Variants in ASIC2 observed in about 807,000 individuals in gnomAD.
ASIC2 encodes the protein acid sensing ion channel subunit 2.
In ASIC2, 25 loss-of-function variants were observed where a neutral mutation model predicts 57.3. That is an observed-to-expected ratio of 0.44 (90% CI 0.32 to 0.61). ASIC2 has a LOEUF of 0.61. ASIC2 is among the 20% of genes least tolerant of loss of function. The pLI, the probability that ASIC2 is intolerant of heterozygous loss-of-function variation, is 0.06. For missense variants in ASIC2, 641 were observed against 738.1 expected (o/e 0.87, Z 1.52); for synonymous variants, 319 against 307.5 (o/e 1.04, Z -0.39).
intron 1 of ASIC2, among the ~76,000 whole-genome samples, chr17:34,062,452 C>T (rs539200814): frequency 5.3e-4 from 81 of 152,002 alleles, no homozygotes; most frequent in Middle Eastern, 6.8e-3. Context: ...TAAGGTCTCA[C>T]GTTAAGGAAC....
At chr17:33,528,702 C>T (rs537387996) in intron 1 of ASIC2, among the ~76,000 whole-genome samples, 1 of 152,286 alleles carries the variant, frequency 6.6e-6, no homozygotes, top group East Asian at 1.9e-4. Context: ...TCTGTTCAGG[C>T]CTCCCTTCCA....
intron 1 of ASIC2, among the ~76,000 whole-genome samples, chr17:34,012,570 C>G (rs542725029): frequency 1.3e-5 from 2 of 152,290 alleles, no homozygotes; most frequent in South Asian, 4.1e-4. Context: ...GATGAGCCCT[C>G]TCAGCCTTTA....
rs2092163218 is a variant in ASIC2, at chr17:33,092,892, A to G, written c.860-3902T>C. Among the ~76,000 whole-genome samples, 4 of 152,340 alleles carry G rather than the reference A, an allele frequency of 2.6e-5. No homozygotes were observed. The South Asian group carries it at 6.2e-4, about 24-fold the overall frequency. ...TCAATAAATGTTTGTTGAATGGAAC[A>G]AATGAGTGAGGAAGTATCCCTTGCT... On this transcript the variant is annotated intron_variant, in intron 2 of 9. Coordinates refer to ENST00000225823, the MANE Select transcript of ASIC2 (RefSeq NM_183377.2).
chr17:33,110,120 C>A lies in ASIC2; in HGVS notation c.859+1797G>T, dbSNP rs565142023. On this transcript the variant is annotated intron_variant, in intron 2 of 9. Transcript: ENST00000225823. ...CAAGATAACAGGCTAGGAAAGCTAC[C>A]ATTGTCATGGAGGGACATAACTAAC... Among the ~76,000 whole-genome samples, 187 of 152,180 alleles carry A rather than the reference C, an allele frequency of 1.2e-3. 1 individual carries two copies. The highest frequency in any genetic ancestry group is 2.4e-3 in the Non-Finnish European group (161 of 67,998).
intron 1 of ASIC2, among the ~76,000 whole-genome samples, chr17:33,877,462 G>A (rs943789941): frequency 2.6e-5 from 4 of 152,236 alleles, no homozygotes; most frequent in Non-Finnish European, 4.4e-5. Flanking sequence ...TGGCACACCA[G>A]GAGATTATAA....
At chr17:33,561,541 A>G (rs1916073434) in intron 1 of ASIC2, among the ~76,000 whole-genome samples, 1 of 152,230 alleles carries the variant, frequency 6.6e-6, no homozygotes, top group Non-Finnish European at 1.5e-5. Context: ...GAAACAAAAC[A>G]CAGAAACTCT....
At chr17:33,072,650 T>C (rs1672098882) in intron 3 of ASIC2, among the ~76,000 whole-genome samples, 1 of 152,156 alleles carries the variant, frequency 6.6e-6, no homozygotes, top group Non-Finnish European at 1.5e-5. Context: ...CATTCGGCCA[T>C]TTGACGGGGA....
chr17:33,620,962 G>T (rs1450211011), intron 1 of ASIC2, among the ~76,000 whole-genome samples: 1 of 149,940 alleles, frequency 6.7e-6, no homozygotes, highest in East Asian at 2.0e-4. Context: ...TTCTTTTCTT[G>T]CACCGCATAC....
At chr17:33,879,348 C>G (rs1597913892) in intron 1 of ASIC2, among the ~76,000 whole-genome samples, 1 of 152,306 alleles carries the variant, frequency 6.6e-6, no homozygotes, top group South Asian at 2.1e-4. Flanking sequence ...TCAGTGTGCT[C>G]TATTCAGAAG....
At chr17:33,951,310 G>A (rs1225505008) in intron 1 of ASIC2, among the ~76,000 whole-genome samples, 2 of 152,110 alleles carry the variant, frequency 1.3e-5, no homozygotes, top group Non-Finnish European at 2.9e-5. Flanking sequence ...GAGGCTCTGT[G>A]AGGATAAATA....
chr17:33,564,010 A>T (rs1916155886), intron 1 of ASIC2, among the ~76,000 whole-genome samples: 2 of 152,198 alleles, frequency 1.3e-5, no homozygotes, highest in South Asian at 4.1e-4. Flanking sequence ...TCAGGGCCAT[A>T]GTCCTGACAC....
chr17:33,401,943 G>A (rs529852080), intron 1 of ASIC2, among the ~76,000 whole-genome samples: 20 of 152,270 alleles, frequency 1.3e-4, no homozygotes, highest in East Asian at 1.2e-3. Context: ...TAAATGACAC[G>A]AATGACCCAG....
At chr17:33,255,145 T>A (rs1329806829) in intron 1 of ASIC2, among the ~76,000 whole-genome samples, 1 of 149,908 alleles carries the variant, frequency 6.7e-6, no homozygotes, top group Non-Finnish European at 1.5e-5. Flanking sequence ...ATTCAAGCGA[T>A]TCTCCTGCCT....
intron 1 of ASIC2, among the ~76,000 whole-genome samples, chr17:33,797,168 C>T (rs1188619699): frequency 1.3e-5 from 2 of 152,162 alleles, no homozygotes; most frequent in Non-Finnish European, 2.9e-5. Flanking sequence ...TGAAATTCTG[C>T]TGCATAGATC....
At chr17:33,160,375 ACT>A (rs1402315680) in intron 1 of ASIC2, among the ~76,000 whole-genome samples, 4 of 151,950 alleles carry the variant, frequency 2.6e-5, no homozygotes, top group Admixed American at 2.6e-4. Context: ...AGTTGTAGAA[ACT>A]CTGAACTCAA....
At chr17:33,882,090 A>G (rs949416534) in intron 1 of ASIC2, among the ~76,000 whole-genome samples, 14 of 152,194 alleles carry the variant, frequency 9.2e-5, no homozygotes, top group Non-Finnish European at 1.5e-4. Context: ...CCTTCCTTAC[A>G]CCTTATGCAA....
At chr17:33,694,328 T>C (rs367649313) in intron 1 of ASIC2, among the ~76,000 whole-genome samples, 4 of 152,334 alleles carry the variant, frequency 2.6e-5, no homozygotes, top group African/African-American at 9.6e-5. Flanking sequence ...AAAGCCCTGA[T>C]GTCTTACCCT....
At chr17:33,236,806 G>A (rs370901359) in intron 1 of ASIC2, among the ~76,000 whole-genome samples, 2 of 152,102 alleles carry the variant, frequency 1.3e-5, no homozygotes, top group African/African-American at 4.8e-5. Context: ...GGGAGAAATT[G>A]CAGTTATACT....
intron 1 of ASIC2, chr17:34,037,783 T>A: frequency 3.7e-6 from 6 of 1,614,192 alleles, no homozygotes; most frequent in Non-Finnish European, 5.1e-6. Context: ...CCAAGCATCG[T>A]CGAATCAACG....
Sources: allele counts gnomAD v4.1 joint callset (sites outside exome capture counted in the v4.1 genomes callset), GRCh38; gene constraint gnomAD v4.1.1; transcripts MANE v1.5; gene names NCBI Gene and HGNC (gene_info 2026-07-23, HGNC 2026-07-21).